Variants in ADAMTS19 observed in about 807,000 individuals in gnomAD.
ADAMTS19 encodes ADAM metallopeptidase with thrombospondin type 1 motif 19, also known as A disintegrin and metalloproteinase with thrombospondin motifs 19.
Under a neutral mutation model 153.3 loss-of-function variants are expected in ADAMTS19, and 93 were observed. The ratio of observed to expected loss-of-function variants is 0.61; its 90% confidence interval spans 0.51 to 0.72. The LOEUF is 0.72. ADAMTS19 is among the 30% of genes least tolerant of loss of function. ADAMTS19 has a pLI of 0.00. For synonymous variants in ADAMTS19, 600 were observed against 556.6 expected (o/e 1.08, Z -1.10); for missense variants, 1,482 against 1,552.1 (o/e 0.95, Z 0.76).
At chr5:129,672,113 GA>G (rs1403332996) in intron 16 of ADAMTS19, among the ~76,000 whole-genome samples, 1 of 152,028 alleles carries the variant, frequency 6.6e-6, no homozygotes, top group African/African-American at 2.4e-5. Flanking sequence ...CCTTCCTTCT[GA>G]ATTGCATACT....
Position 129,460,355 on chromosome 5 carries a change from T to C in ADAMTS19, c.-37T>C. 6.6e-7 allele frequency: 1 copy of C among 1,512,430 alleles called. No individual in the cohort carries two copies. Among genetic ancestry groups the C allele is most frequent in the Non-Finnish European group, 9.0e-7 (1 of 1,113,036 alleles). 93.7% of individuals were successfully genotyped at this position (1,512,430 alleles called of 1,614,324 possible). On this transcript the variant is annotated 5_prime_UTR_variant, in exon 1 of 23. Transcript: ENST00000274487. The stretch of plus-strand genomic sequence containing the variant: ...CCCGGAGTGGATCGCGCTGGAGGCG[T>C]GCGCCGGGCGAGAAGCCGCGGCCGC...
intron 7 of ADAMTS19, among the ~76,000 whole-genome samples, chr5:129,571,236 C>A (rs1753894619): frequency 6.6e-6 from 1 of 151,708 alleles, no homozygotes. Flanking sequence ...GATTAACCCA[C>A]AAAAATCTAA....
At chr5:129,535,976 C>G (rs1165173783) in intron 6 of ADAMTS19, among the ~76,000 whole-genome samples, 1 of 152,140 alleles carries the variant, frequency 6.6e-6, no homozygotes, top group African/African-American at 2.4e-5. Context: ...AACACCTAGG[C>G]AATACCATTC....
chr5:129,638,727 C>G (rs1414223268), intron 10 of ADAMTS19, among the ~76,000 whole-genome samples: 1 of 151,962 alleles, frequency 6.6e-6, no homozygotes, highest in Non-Finnish European at 1.5e-5. Context: ...GAGAGTAATG[C>G]AGGGAAAAGA....
intron 7 of ADAMTS19, among the ~76,000 whole-genome samples, chr5:129,557,800 AATG>A (rs1347103252): frequency 6.6e-6 from 1 of 152,150 alleles, no homozygotes; most frequent in Non-Finnish European, 1.5e-5. Flanking sequence ...AAAATAGAAA[AATG>A]ATAAGCCCTT....
At chr5:129,560,851 GT>G (rs912402702) in intron 7 of ADAMTS19, among the ~76,000 whole-genome samples, 2 of 152,034 alleles carry the variant, frequency 1.3e-5, no homozygotes, top group Non-Finnish European at 2.9e-5. Context: ...GTCACCGCAA[GT>G]TTTTTTAAAA....
At chr5:129,496,188 G>A (rs571296246) in intron 2 of ADAMTS19, among the ~76,000 whole-genome samples, 1 of 151,944 alleles carries the variant, frequency 6.6e-6, no homozygotes, top group East Asian at 1.9e-4. Context: ...ATTATCCAAG[G>A]GTTCTAAGTG....
chr5:129,586,081 C>G (rs935964456), intron 7 of ADAMTS19, among the ~76,000 whole-genome samples: 1 of 152,022 alleles, frequency 6.6e-6, no homozygotes, highest in East Asian at 1.9e-4. Context: ...TTCTCTTACA[C>G]CCCCTGTCCA....
intron 4 of ADAMTS19, 100 bp from the exon 5 acceptor site, chr5:129,527,648 A>G: frequency 3.5e-6 from 1 of 283,758 alleles, no homozygotes; most frequent in Admixed American, 5.3e-5. Context: ...AAAAAAAAAG[A>G]TGTCTCAACT....
chr5:129,638,859 C>T (rs967013808), intron 10 of ADAMTS19, among the ~76,000 whole-genome samples: 1 of 152,066 alleles, frequency 6.6e-6, no homozygotes, highest in Non-Finnish European at 1.5e-5. Flanking sequence ...AAGGCATGGG[C>T]ACAGGTTAGC....
intron 11 of ADAMTS19, among the ~76,000 whole-genome samples, chr5:129,646,658 T>C (rs1266453457): frequency 6.6e-6 from 1 of 152,142 alleles, no homozygotes; most frequent in African/African-American, 2.4e-5. Context: ...TAAAAAAAAC[T>C]GTTAGGTAAC....
At chr5:129,702,966 A>ATATATATATG (rs1755978473) in intron 20 of ADAMTS19, among the ~76,000 whole-genome samples, 1 of 134,182 alleles carries the variant, frequency 7.5e-6, no homozygotes, top group Non-Finnish European at 1.5e-5. Context: ...ATATATATAT[A>ATATATATATG]TATATACAAA....
intron 21 of ADAMTS19, among the ~76,000 whole-genome samples, chr5:129,706,975 C>A (rs890365396): frequency 6.6e-6 from 1 of 152,102 alleles, no homozygotes; most frequent in Non-Finnish European, 1.5e-5. Flanking sequence ...TACTGTATGG[C>A]TACCCAACTA....
chr5:129,615,040 T>C (rs1041949395), intron 8 of ADAMTS19, among the ~76,000 whole-genome samples: 14 of 150,304 alleles, frequency 9.3e-5, no homozygotes, highest in African/African-American at 3.4e-4. Flanking sequence ...TAAAAGAGGA[T>C]ACAAACAAAT....
intron 6 of ADAMTS19, among the ~76,000 whole-genome samples, chr5:129,532,271 C>T (rs183531156): frequency 1.3e-3 from 205 of 152,190 alleles, no homozygotes; most frequent in African/African-American, 4.0e-3. Flanking sequence ...AGAATGTTTA[C>T]GTATGTGTGT....
chr5:129,538,468 A>T (rs529721267), intron 6 of ADAMTS19, among the ~76,000 whole-genome samples: 4 of 152,176 alleles, frequency 2.6e-5, no homozygotes, highest in African/African-American at 7.2e-5. Flanking sequence ...TTCTGCATCC[A>T]ATTTTTTTAG....
intron 15 of ADAMTS19, among the ~76,000 whole-genome samples, chr5:129,659,615 T>TA (rs1193900629): frequency 6.6e-6 from 1 of 152,178 alleles, no homozygotes; most frequent in African/African-American, 2.4e-5. Context: ...GAGAGAGTGT[T>TA]ACTCTGTTGC....
chr5:129,671,480 C>T (rs965963406), intron 16 of ADAMTS19, among the ~76,000 whole-genome samples: 6 of 152,038 alleles, frequency 3.9e-5, no homozygotes, highest in Admixed American at 3.9e-4. Flanking sequence ...CCTAAAGGCT[C>T]CTTTGGGTAT....
In ADAMTS19 at chr5:129,641,066, A is replaced by G. The variant is rs188564766; in HGVS notation, c.1771-793A>G. Among the ~76,000 whole-genome samples the G allele has an allele frequency of 3.3e-5, 5 of 152,278 alleles. No homozygotes were observed. The East Asian group carries it at 9.6e-4, about 29-fold the overall frequency. ...AATTGTTAACAATATGTGTGAGTCT[A>G]AAAAATGTCAACCACCTTACAGAAA... On this transcript the variant is annotated intron_variant, in intron 10 of 22. Coordinates refer to ENST00000274487, the MANE Select transcript of ADAMTS19 (RefSeq NM_133638.6).
Sources: allele counts gnomAD v4.1 joint callset (sites outside exome capture counted in the v4.1 genomes callset), GRCh38; gene constraint gnomAD v4.1.1; transcripts MANE v1.5; gene names NCBI Gene and HGNC (gene_info 2026-07-23, HGNC 2026-07-21).